The following ATM variants were observed in gnomAD, a reference collection of about 807,000 sequenced individuals.
ATM encodes the protein serine-protein kinase ATM.
A neutral mutation model predicts 387.0 loss-of-function variants in ATM; 308 were observed. The ratio of observed to expected loss-of-function variants is 0.80; its 90% CI spans 0.73 to 0.87. The LOEUF is 0.87. ATM is among the 40% of genes least tolerant of loss of function. The pLI, the probability that ATM is intolerant of heterozygous loss-of-function variation, is 0.00. For missense variants in ATM, 3,312 were observed against 3,560.9 expected, an observed-to-expected ratio of 0.93 and a Z score of 1.78; for synonymous variants, 1,156 against 1,187.3, an observed-to-expected ratio of 0.97 and a Z score of 0.54.
At chr11:108,288,202 T>C (rs2082597886) in intron 27 of ATM, among the ~76,000 whole-genome samples, 1 of 151,952 alleles carries the variant, frequency 6.6e-6, no homozygotes, top group African/African-American at 2.4e-5. Context: ...GCCTCTCGAG[T>C]AGCTGGGACG....
intron 22 of ATM, among the ~76,000 whole-genome samples, chr11:108,274,299 C>CA (rs1565431289): frequency 6.6e-6 from 1 of 152,036 alleles, no homozygotes; most frequent in Admixed American, 6.6e-5. Context: ...TTAATCTTTT[C>CA]AAAAAATCAG....
intron 39 of ATM, among the ~76,000 whole-genome samples, chr11:108,311,959 T>G (rs2084199265): frequency 6.6e-6 from 1 of 152,226 alleles, no homozygotes; most frequent in African/African-American, 2.4e-5. Flanking sequence ...TTGGTTTAAG[T>G]GGATCCTACT....
In ATM at chr11:108,268,470, T is replaced by C. The variant is rs863224558; in HGVS notation, c.2699T>C (p.Met900Thr). The C allele has an allele frequency of 1.2e-6, 2 of 1,614,106 alleles. No homozygotes were observed. The highest frequency in any genetic ancestry group is 1.7e-6 in the Non-Finnish European group (2 of 1,180,004). ...AAGCAAGATCTACTTTTCTTAGACA[T>C]GCTCAAGTTCTTGTGTTTGTGTGTA... ...LSKQDLLFLDMLKFLCLCVTT... is the reference protein window; with the variant it reads ...LSKQDLLFLDTLKFLCLCVTT... The change falls in exon 18 of 63, where the codon ATG becomes ACG. Residue 900 changes from methionine to threonine, a missense_variant. This residue lies in a region of ATM where 1,791 missense variants were observed against 1,804.5 expected (regional missense o/e 0.99). Transcript: ENST00000675843.
chr11:108,352,241 A>T (rs986854672), intron 59 of ATM, among the ~76,000 whole-genome samples: 1 of 152,242 alleles, frequency 6.6e-6, no homozygotes, highest in African/African-American at 2.4e-5. Flanking sequence ...CCATCATAAA[A>T]ACACTGAAGG....
intron 32 of ATM, chr11:108,295,504 T>C (rs1278781742): frequency 5.9e-6 from 1 of 168,382 alleles, no homozygotes; most frequent in Non-Finnish European, 1.3e-5. Context: ...TTTATTTATT[T>C]TTTTTATTTT....
intron 61 of ATM, among the ~76,000 whole-genome samples, chr11:108,361,091 C>A (rs1289946407): frequency 7.6e-6 from 1 of 132,104 alleles, no homozygotes. Context: ...TAAGCAACTT[C>A]AGCAAAGTCT....
In ATM at chr11:108,266,094, G is replaced by A. The variant is rs542099528; in HGVS notation, c.2467-1077G>A. 5.3e-5 allele frequency among the ~76,000 whole-genome samples: 8 copies of A among 151,732 alleles called. No individual in the cohort carries two copies. In the South Asian group the frequency reaches 1.5e-3, roughly 28 times the overall value. ...AGTGTGGTGATTCCTCAGGGATCTA[G>A]AACTGGAAATACCATTTGACCCAGC... On this transcript the variant is annotated intron_variant, in intron 16 of 62. Transcript: ENST00000675843.
In ATM at chr11:108,303,674, T is replaced by G. The variant is rs536571390; in HGVS notation, c.5496+645T>G. Among the ~76,000 whole-genome samples, 3 of 152,168 alleles carry G rather than the reference T, an allele frequency of 2.0e-5. No homozygotes were observed. Among genetic ancestry groups the G allele is most frequent in the Non-Finnish European group, 4.4e-5 (3 of 67,978 alleles). ...CGTAATGTACTCACATTGAAAGCAA[T>G]GTAAGAAGCAGTTCTTATTTTCTAC... On this transcript the variant is annotated intron_variant, in intron 36 of 62. Transcript: ENST00000675843.
At chr11:108,335,461 G>A (rs371714480) in intron 55 of ATM, among the ~76,000 whole-genome samples, 5 of 152,056 alleles carry the variant, frequency 3.3e-5, no homozygotes, top group South Asian at 2.1e-4. Flanking sequence ...ACCGGGTCTC[G>A]TACTGTGCCA....
At chr11:108,293,502 A>T in intron 31 of ATM, 25 bp downstream of exon 31, 1 of 1,569,742 alleles carries the variant, frequency 6.4e-7, no homozygotes, top group Non-Finnish European at 8.8e-7. Context: ...ATCATCTACT[A>T]TTTTTTATTA....
intron 14 of ATM, among the ~76,000 whole-genome samples, chr11:108,257,025 A>G (rs953024283): frequency 6.6e-6 from 1 of 152,198 alleles, no homozygotes; most frequent in African/African-American, 2.4e-5. Context: ...TCCTTTGTGT[A>G]TATACCCAGT....
chr11:108,336,899 G>C (rs2086916146), intron 56 of ATM, among the ~76,000 whole-genome samples: 1 of 152,070 alleles, frequency 6.6e-6, no homozygotes, highest in Non-Finnish European at 1.5e-5. Context: ...ATTTTGAAGG[G>C]CCTATTTTCC....
In ATM at chr11:108,316,030, G is replaced by A. The variant is rs864622251; in HGVS notation, c.6115G>A (p.Glu2039Lys). Residue 2039 changes from glutamate (E) to lysine (K), a missense_variant, in exon 42 of 63, where the codon GAA (glutamate) becomes AAA (lysine). This residue lies in a region of ATM where 1,405 missense variants were observed against 1,604.4 expected (regional missense o/e 0.88). Transcript: ENST00000675843. ...TTATAGACTACGAACATATGAACAC[G>A]AAGCAATGTGGGGCAAAGCCCTAGT... ...PITRLRTYEH[E>K]AMWGKALVTY... 2.5e-6 allele frequency: 4 copies of A among 1,614,092 alleles called. No homozygotes were observed. Among genetic ancestry groups the A allele is most frequent in the South Asian group, 1.1e-5 (1 of 91,078 alleles).
intron 16 of ATM, 82 bp downstream of exon 16, chr11:108,259,157 A>G: frequency 8.8e-7 from 1 of 1,141,312 alleles, no homozygotes; most frequent in Non-Finnish European, 1.3e-6. Context: ...GTAAATAAGG[A>G]TGCATCTCAC....
chr11:108,343,098 T>C, intron 56 of ATM, 124 bp from the exon 57 acceptor site: 2 of 1,253,738 alleles, frequency 1.6e-6, no homozygotes, highest in Non-Finnish European at 2.3e-6. Context: ...TTGTCTTCTA[T>C]GGACAGAGAA....
chr11:108,328,947 C>T, intron 48 of ATM, 74 bp from the exon 49 acceptor site: 6 of 1,426,718 alleles, frequency 4.2e-6, no homozygotes, highest in South Asian at 1.2e-5. Flanking sequence ...TAGTGTATTA[C>T]CTTAATTTGA....
chr11:108,279,596 A>T lies in ATM; in HGVS notation c.3390A>T (p.Gly1130=). ...FENAYLKAQE[G]MREMSHSAEN... is the part of the protein sequence containing the mutation. ...ATGCATACTTGAAAGCTCAGGAAGG[A>T]ATGAGAGAAATGGTAATTTTAAGTA... Residue 1130 remains glycine (G), a synonymous_variant, in exon 23 of 63, where the codon GGA becomes GGT. Transcript: ENST00000675843. 1 of 1,607,222 alleles carries T rather than the reference A, an allele frequency of 6.2e-7. No individual in the cohort carries two copies. The highest frequency in any genetic ancestry group is 8.5e-7 in the Non-Finnish European group (1 of 1,173,950).
chr11:108,303,027 GAAGT>G lies in ATM; in HGVS notation c.5496+2_5496+5del, dbSNP rs1565479572. Reference sequence around the variant, plus strand: ...TCTTCAATTATTAAAGCCAATGTGTGAAGTAAGAAGATTAATTAGTCTGATATAA... The same window carrying G: ...TCTTCAATTATTAAAGCCAATGTGTGAAGAAGATTAATTAGTCTGATATAA... On this transcript the variant is annotated splice_donor_variant and coding_sequence_variant, in exon 36 of 63. Coordinates refer to ENST00000675843, the MANE Select transcript of ATM (RefSeq NM_000051.4). LOFTEE classifies it high-confidence loss of function. 1 of 1,610,002 alleles carries G rather than the reference GAAGT, an allele frequency of 6.2e-7. No homozygotes were observed. Among genetic ancestry groups the G allele is most frequent in the Non-Finnish European group, 8.5e-7 (1 of 1,176,582 alleles).
At chr11:108,319,706 T>C (rs943797659) in intron 43 of ATM, among the ~76,000 whole-genome samples, 10 of 152,234 alleles carry the variant, frequency 6.6e-5, no homozygotes, top group Non-Finnish European at 1.3e-4. Flanking sequence ...TAGGTATTTA[T>C]TGAATAAATA....
Sources: gnomAD v4.1 joint callset for allele counts (sites outside exome capture counted in the v4.1 genomes callset) on GRCh38, gnomAD v4.1.1 for gene constraint, gnomAD v4.1.1 regional missense constraint, MANE v1.5 for transcripts, NCBI Gene and HGNC (gene_info 2026-07-23, HGNC 2026-07-21) for gene names.